The following BMPR1A variants were observed in gnomAD, a reference collection of about 807,000 sequenced individuals.
BMPR1A encodes the protein bone morphogenetic protein receptor type 1A.
Under a neutral mutation model 66.0 loss-of-function variants are expected in BMPR1A, and 7 were observed. The ratio of observed to expected loss-of-function variants is 0.11; its 90% CI spans 0.06 to 0.20. The LOEUF (loss-of-function observed/expected upper bound fraction) is 0.20. Ranked by LOEUF, BMPR1A falls within the 10% of genes least tolerant of loss-of-function variation. BMPR1A has a pLI of 1.00. For synonymous variants in BMPR1A, 200 were observed against 229.7 expected, an observed-to-expected ratio of 0.87 and a Z score of 1.17; for missense variants, 408 against 669.1, an observed-to-expected ratio of 0.61 and a Z score of 4.31.
At chr10:86,761,626 T>A (rs552362486) in intron 1 of BMPR1A, among the ~76,000 whole-genome samples, 1 of 152,342 alleles carries the variant, frequency 6.6e-6, no homozygotes, top group East Asian at 1.9e-4. Context: ...GAGTTATTTA[T>A]ATCCTGCTCA....
intron 1 of BMPR1A, among the ~76,000 whole-genome samples, chr10:86,794,851 T>C (rs1348065051): frequency 6.7e-6 from 1 of 149,870 alleles, no homozygotes; most frequent in Non-Finnish European, 1.5e-5. Flanking sequence ...TAGATATAGA[T>C]ATAGTTTTTT....
chr10:86,828,416 G>A (rs1450584189), intron 1 of BMPR1A, among the ~76,000 whole-genome samples: 1 of 151,998 alleles, frequency 6.6e-6, no homozygotes, highest in African/African-American at 2.4e-5. Context: ...AGGAAAGACG[G>A]GTGCAAGCTA....
At chr10:86,922,745 C>CA in intron 11 of BMPR1A, among the ~76,000 whole-genome samples, 1 of 152,344 alleles carries the variant, frequency 6.6e-6, no homozygotes, top group East Asian at 1.9e-4. Flanking sequence ...GGAGGCTGGT[C>CA]ACATAGGCAT....
intron 2 of BMPR1A, among the ~76,000 whole-genome samples, chr10:86,860,701 C>T (rs557925545): frequency 2.2e-4 from 32 of 147,310 alleles, no homozygotes; most frequent in South Asian, 1.1e-3. Context: ...ACCTGGGAGG[C>T]GGAGGTTGCA....
At chr10:86,787,575 A>C (rs1389796069) in intron 1 of BMPR1A, among the ~76,000 whole-genome samples, 1 of 152,238 alleles carries the variant, frequency 6.6e-6, no homozygotes, top group African/African-American at 2.4e-5. Context: ...AACTGACAGA[A>C]GTATGTAATA....
chr10:86,788,831 T>G (rs1841556257), intron 1 of BMPR1A, among the ~76,000 whole-genome samples: 1 of 152,156 alleles, frequency 6.6e-6, no homozygotes, highest in Admixed American at 6.5e-5. Flanking sequence ...GGTCTCGAAC[T>G]CCTGACCTTA....
intron 1 of BMPR1A, among the ~76,000 whole-genome samples, chr10:86,788,761 C>T (rs1021679427): frequency 6.6e-6 from 1 of 152,064 alleles, no homozygotes; most frequent in Non-Finnish European, 1.5e-5. Flanking sequence ...GTGCCTGCAC[C>T]ATGCCCGGCT....
At chr10:86,805,608 C>T (rs758317882) in intron 1 of BMPR1A, among the ~76,000 whole-genome samples, 19 of 151,978 alleles carry the variant, frequency 1.3e-4, no homozygotes, top group Middle Eastern at 3.2e-3. Context: ...ACTACAGGCG[C>T]GTGCCACCAC....
intron 3 of BMPR1A, among the ~76,000 whole-genome samples, chr10:86,887,688 A>G (rs977495130): frequency 4.6e-5 from 7 of 152,182 alleles, no homozygotes; most frequent in African/African-American, 1.7e-4. Flanking sequence ...TTTCTGTGTC[A>G]CTAGATTTTT....
chr10:86,821,517 T>C (rs186436899), intron 1 of BMPR1A, among the ~76,000 whole-genome samples: 1 of 152,290 alleles, frequency 6.6e-6, no homozygotes, highest in East Asian at 1.9e-4. Flanking sequence ...GTAGGATTGC[T>C]CAGCTAGTGG....
At chr10:86,767,162 A>G (rs1841178348) in intron 1 of BMPR1A, among the ~76,000 whole-genome samples, 1 of 152,162 alleles carries the variant, frequency 6.6e-6, no homozygotes, top group Non-Finnish European at 1.5e-5. Context: ...GCCAGCTGAA[A>G]AAACATTCAT....
intron 11 of BMPR1A, 74 bp from the exon 12 acceptor site, chr10:86,923,301 CA>C: frequency 6.3e-7 from 1 of 1,590,108 alleles, no homozygotes; most frequent in East Asian, 2.2e-5. Context: ...CATAGTTTAG[CA>C]AAAGATGCTT....
rs1843160640 is a variant in BMPR1A, at chr10:86,892,164, G to A, written c.268G>A (p.Asp90Asn). The change falls in exon 5 of 13, where the codon GAC (aspartate) becomes AAC (asparagine). Residue 90 changes from aspartate (D) to asparagine (N), a missense_variant. This residue lies in a region of BMPR1A where 13 missense variants were observed against 46.5 expected (regional missense o/e 0.28). Transcript: ENST00000372037. Reference protein sequence around the residue: ...GHCFAIIEEDDQGETTLASGC... With the variant: ...GHCFAIIEEDNQGETTLASGC... ...TTGCTTTGCCATCATAGAAGAAGAT[G>A]ACCAGGGAGAAACCACATTAGCTTC... 6.2e-7 allele frequency: 1 copy of A among 1,613,656 alleles called. No individual in the cohort carries two copies. The highest frequency in any genetic ancestry group is 1.7e-5 in the Admixed American group (1 of 60,012).
intron 1 of BMPR1A, among the ~76,000 whole-genome samples, chr10:86,772,148 T>G (rs1198295177): frequency 3.3e-5 from 4 of 122,070 alleles, no homozygotes; most frequent in Admixed American, 2.8e-4. Flanking sequence ...TTTTTTTTTT[T>G]GAGACAGAGT....
At chr10:86,897,780 A>C (rs1374322274) in intron 5 of BMPR1A, among the ~76,000 whole-genome samples, 1 of 151,960 alleles carries the variant, frequency 6.6e-6, no homozygotes, top group Non-Finnish European at 1.5e-5. Flanking sequence ...CTGATTTAAA[A>C]ATTTTTTTAG....
chr10:86,762,805 G>T (rs1841090175), intron 1 of BMPR1A, among the ~76,000 whole-genome samples: 1 of 152,200 alleles, frequency 6.6e-6, no homozygotes, highest in African/African-American at 2.4e-5. Flanking sequence ...CAGGATGCGG[G>T]TACTTTGGAA....
chr10:86,768,877 G>A (rs545778316), intron 1 of BMPR1A, among the ~76,000 whole-genome samples: 4 of 152,208 alleles, frequency 2.6e-5, no homozygotes, highest in African/African-American at 9.6e-5. Flanking sequence ...CTCTCTCAGG[G>A]CTACTGTGAG....
rs200143050 is a variant in BMPR1A, at chr10:86,815,361, G to GT, written c.-267-23496dup. On this transcript the variant is annotated intron_variant, in intron 1 of 12. Coordinates refer to ENST00000372037, the MANE Select transcript of BMPR1A (RefSeq NM_004329.3). ...TTCAATTCTGTTTTAATTTTCAGCAGTTTTTTTTCTGTGTGAGTGAGGCTG... is the reference window on the plus strand; with the variant it reads ...TTCAATTCTGTTTTAATTTTCAGCAGTTTTTTTTTCTGTGTGAGTGAGGCTG... Among the ~76,000 whole-genome samples the GT allele has an allele frequency of 2.9e-4, 44 of 151,924 alleles. No individual in the cohort carries two copies. The East Asian group carries it at 5.6e-3, about 19-fold the overall frequency.
intron 1 of BMPR1A, among the ~76,000 whole-genome samples, chr10:86,820,997 G>A (rs959774177): frequency 2.6e-5 from 4 of 152,174 alleles, no homozygotes; most frequent in African/African-American, 9.7e-5. Context: ...AGTACCTATT[G>A]TTAAGCTCTA....
Sources: allele counts gnomAD v4.1 joint callset (sites outside exome capture counted in the v4.1 genomes callset), GRCh38; gene constraint gnomAD v4.1.1; regional missense constraint gnomAD v4.1.1; transcripts MANE v1.5; gene names NCBI Gene and HGNC (gene_info 2026-07-23, HGNC 2026-07-21).